The following ELOVL6 variants were observed in gnomAD, a reference collection of about 807,000 sequenced individuals.
ELOVL6 encodes ELOVL fatty acid elongase 6.
ELOVL6 carries 8 observed loss-of-function variants against 31.7 expected under a neutral mutation model. The observed-to-expected ratio is 0.25, with a 90% CI of 0.15 to 0.45. ELOVL6 has a LOEUF of 0.45. ELOVL6 is among the 20% of genes least tolerant of loss of function. The probability of loss-of-function intolerance (pLI) is 1.00; values close to 1 mark genes in which losing one functional copy is unlikely to be tolerated. For missense variants in ELOVL6, 126 were observed against 326.4 expected (o/e 0.39, Z 4.73); for synonymous variants, 101 against 117.7 (o/e 0.86, Z 0.92).
chr4:110,117,903 A>AAAAAAAAAAATATATATATATAT, intron 1 of ELOVL6: 1 of 6,500 alleles, frequency 1.5e-4, no homozygotes, highest in Non-Finnish European at 3.7e-4. Context: ...AAAAAAAAAA[A>AAAAAAAAAAATATATATATATAT]ATATATATAT....
chr4:110,176,819 C>T (rs953667359), intron 1 of ELOVL6, among the ~76,000 whole-genome samples: 7 of 152,172 alleles, frequency 4.6e-5, no homozygotes, highest in Non-Finnish European at 8.8e-5. Context: ...CTCACTGCAA[C>T]CTGTCTCCCA....
At chr4:110,054,368 G>A (rs140541482) in intron 3 of ELOVL6, among the ~76,000 whole-genome samples, 68 of 152,246 alleles carry the variant, frequency 4.5e-4, no homozygotes, top group East Asian at 1.7e-3. Context: ...GAGATCCACC[G>A]TTTCTGTATA....
At chr4:110,158,655 A>ATTTTTT (rs1365076499) in intron 1 of ELOVL6, among the ~76,000 whole-genome samples, 3 of 76,198 alleles carry the variant, frequency 3.9e-5, no homozygotes, top group East Asian at 3.2e-4. Flanking sequence ...ATATATATAT[A>ATTTTTT]TATTTTTTTT....
At chr4:110,092,375 T>C (rs908124840) in intron 2 of ELOVL6, among the ~76,000 whole-genome samples, 2 of 152,334 alleles carry the variant, frequency 1.3e-5, no homozygotes, top group Admixed American at 6.5e-5. Flanking sequence ...AAGTTTCATA[T>C]GGGAAAAGCA....
chr4:110,109,233 C>T (rs1756963956), intron 1 of ELOVL6, among the ~76,000 whole-genome samples: 1 of 152,078 alleles, frequency 6.6e-6, no homozygotes, highest in African/African-American at 2.4e-5. Flanking sequence ...GATAATCAGT[C>T]ATTTTGAGAT....
intron 3 of ELOVL6, among the ~76,000 whole-genome samples, chr4:110,056,092 T>C (rs1400987515): frequency 7.2e-6 from 1 of 138,612 alleles, no homozygotes; most frequent in Non-Finnish European, 1.5e-5. Flanking sequence ...TTTACTGCAA[T>C]TTAAAACAAG....
intron 2 of ELOVL6, among the ~76,000 whole-genome samples, chr4:110,095,437 G>A (rs1397270404): frequency 2.0e-5 from 3 of 147,960 alleles, no homozygotes; most frequent in Admixed American, 1.4e-4. Flanking sequence ...AGCCTAGATC[G>A]CACCACTGCA....
intron 1 of ELOVL6, among the ~76,000 whole-genome samples, chr4:110,161,407 C>T (rs972698595): frequency 3.9e-5 from 6 of 152,172 alleles, no homozygotes; most frequent in Non-Finnish European, 8.8e-5. Context: ...CAAGTCTATA[C>T]TGATGGCACT....
intron 1 of ELOVL6, among the ~76,000 whole-genome samples, chr4:110,123,641 G>A (rs915407899): frequency 5.3e-5 from 8 of 152,186 alleles, no homozygotes; most frequent in African/African-American, 1.9e-4. Flanking sequence ...GAAGGTGGAT[G>A]TGAGCCAAGA....
rs913586869 is a variant in ELOVL6 at position 110,083,574 on chromosome 4, C to G, written c.221+21923G>C. On this transcript the variant is annotated intron_variant, in intron 2 of 3. Transcript: ENST00000302274. ...TAATAATTATACAATTCATTTTATT[C>G]TAACTGCACTGTACAAGCATTGGTA... Among the ~76,000 whole-genome samples, 20 of 151,698 alleles carry G rather than the reference C, an allele frequency of 1.3e-4. 1 individual carries two copies. Among genetic ancestry groups the G allele is most frequent in the African/African-American group, 4.6e-4 (19 of 41,062 alleles).
chr4:110,057,826 C>T (rs1362521743), intron 3 of ELOVL6, among the ~76,000 whole-genome samples: 5 of 142,548 alleles, frequency 3.5e-5, no homozygotes, highest in African/African-American at 1.3e-4. Context: ...ACTCCAGCCT[C>T]GGCAACAGAG....
Position 110,049,045 on chromosome 4 carries a change from C to T in ELOVL6, c.*2293G>A, listed in dbSNP as rs1754769598. 3.9e-5 allele frequency: 6 copies of T among 152,178 alleles called. No homozygotes were observed. The highest frequency in any genetic ancestry group is 3.9e-4 in the Admixed American group (6 of 15,274). 9.4% of individuals were successfully genotyped at this position (152,178 alleles called of 1,614,324 possible). A position where few individuals can be genotyped will look rare whatever the true frequency, so the allele number is the denominator to read the frequency against. ...CAAGTCAACTGTTATGTGGCCTTCT[C>T]CTCATTTTAATTATTCTCATTTTCT... On this transcript the variant is annotated 3_prime_UTR_variant, in exon 4 of 4. Coordinates refer to ENST00000302274, the MANE Select transcript of ELOVL6 (RefSeq NM_024090.3).
intron 1 of ELOVL6, among the ~76,000 whole-genome samples, chr4:110,143,031 A>G (rs141938882): frequency 1.3e-5 from 2 of 152,290 alleles, no homozygotes; most frequent in African/African-American, 2.4e-5. Flanking sequence ...CTAATAGCCT[A>G]CCTCTCTACC....
intron 1 of ELOVL6, chr4:110,117,903 A>AAAAAAAAAAAAAAT: frequency 4.6e-4 from 3 of 6,506 alleles, no homozygotes; most frequent in East Asian, 6.3e-3. Flanking sequence ...AAAAAAAAAA[A>AAAAAAAAAAAAAAT]ATATATATAT....
chr4:110,101,699 G>A (rs2126244710), intron 2 of ELOVL6, among the ~76,000 whole-genome samples: 1 of 151,784 alleles, frequency 6.6e-6, no homozygotes, highest in Middle Eastern at 3.4e-3. Context: ...TTTGAGACAG[G>A]GTCTCACTCT....
At chr4:110,196,600 T>A (rs1448804796) in intron 1 of ELOVL6, among the ~76,000 whole-genome samples, 5 of 152,210 alleles carry the variant, frequency 3.3e-5, no homozygotes, top group African/African-American at 1.2e-4. Flanking sequence ...CCCCCTGGCC[T>A]CAGCGGCCCG....
chr4:110,152,699 G>A (rs1758309340), intron 1 of ELOVL6, among the ~76,000 whole-genome samples: 1 of 152,176 alleles, frequency 6.6e-6, no homozygotes, highest in South Asian at 2.1e-4. Flanking sequence ...GATGCTGCTG[G>A]TTCACATACA....
intron 2 of ELOVL6, among the ~76,000 whole-genome samples, chr4:110,081,185 T>A (rs547679383): frequency 0.031 from 4,762 of 152,142 alleles, 105 homozygotes; most frequent in East Asian, 0.11. Context: ...ATTTATAAAT[T>A]CAATGCCATC....
rs567124318 is a variant in ELOVL6 at position 110,077,755 on chromosome 4, T to C, written c.222-18001A>G. Among the ~76,000 whole-genome samples, 9 of 151,522 alleles carry C rather than the reference T, an allele frequency of 5.9e-5. No individual in the cohort carries two copies. The South Asian group carries it at 1.9e-3, about 32-fold the overall frequency. ...CTGGACGGACAATGACTTTGACGAG[T>C]TGAGATAAGAAGGCTTCAGACGATC... On this transcript the variant is annotated intron_variant, in intron 2 of 3. Transcript: ENST00000302274.
Sources: gnomAD v4.1 joint callset for allele counts (sites outside exome capture counted in the v4.1 genomes callset) on GRCh38, gnomAD v4.1.1 for gene constraint, MANE v1.5 for transcripts, NCBI Gene and HGNC (gene_info 2026-07-23, HGNC 2026-07-21) for gene names.